The following MCC variants were observed in gnomAD, a reference collection of about 807,000 sequenced individuals.
MCC encodes MCC regulator of Wnt signaling pathway, also known as colorectal mutant cancer protein.
In MCC, 90 loss-of-function variants were observed where a neutral mutation model predicts 116.2. The observed-to-expected ratio is 0.77, with a 90% CI of 0.65 to 0.92. The LOEUF is 0.92. Among genes scored for constraint, MCC ranks in the 40% least tolerant of loss-of-function variants. MCC has a pLI of 0.00. For missense variants in MCC, 1,516 were observed against 1,312.2 expected, an observed-to-expected ratio of 1.16 and a Z score of -2.40; for synonymous variants, 578 against 510.5, an observed-to-expected ratio of 1.13 and a Z score of -1.78.
chr5:113,300,567 TA>T (rs1359600895), intron 3 of MCC, among the ~76,000 whole-genome samples: 2 of 152,200 alleles, frequency 1.3e-5, no homozygotes, highest in Admixed American at 6.5e-5. Flanking sequence ...TTTGAGGGCA[TA>T]GGGGGATTTC....
chr5:113,190,390 A>AT (rs1762095033), intron 3 of MCC, among the ~76,000 whole-genome samples: 1 of 152,224 alleles, frequency 6.6e-6, no homozygotes, highest in South Asian at 2.1e-4. Flanking sequence ...CCTACATAGC[A>AT]AAGGCAAAAT....
chr5:113,233,467 A>C (rs1561474909), intron 3 of MCC, among the ~76,000 whole-genome samples: 1 of 152,222 alleles, frequency 6.6e-6, no homozygotes, highest in Non-Finnish European at 1.5e-5. Flanking sequence ...TATGAATGCA[A>C]TGAAGTTTCC....
At chr5:113,444,700 T>C (rs186227998) in intron 1 of MCC, among the ~76,000 whole-genome samples, 2 of 152,334 alleles carry the variant, frequency 1.3e-5, no homozygotes, top group Non-Finnish European at 2.9e-5. Flanking sequence ...CTGTTATTTA[T>C]GCTAATAGAA....
At chr5:113,150,570 T>A (rs1208664726) in intron 4 of MCC, among the ~76,000 whole-genome samples, 3 of 151,384 alleles carry the variant, frequency 2.0e-5, no homozygotes, top group Non-Finnish European at 4.4e-5. Context: ...TCAGTAATGA[T>A]GACTACACTG....
At chr5:113,308,185 G>A (rs556409208) in intron 3 of MCC, among the ~76,000 whole-genome samples, 1 of 152,006 alleles carries the variant, frequency 6.6e-6, no homozygotes, top group African/African-American at 2.4e-5. Flanking sequence ...TGTTGCCCAG[G>A]GTGGTGCCTG....
intron 11 of MCC, among the ~76,000 whole-genome samples, chr5:113,081,723 A>G (rs1754869176): frequency 6.6e-6 from 1 of 152,130 alleles, no homozygotes. Flanking sequence ...ACTCTTAAGT[A>G]TTCTGGATTT....
chr5:113,276,707 G>T (rs561521462), intron 3 of MCC, among the ~76,000 whole-genome samples: 1 of 152,196 alleles, frequency 6.6e-6, no homozygotes, highest in Non-Finnish European at 1.5e-5. Context: ...GCTCACTGGG[G>T]CCTCGACTTT....
intron 17 of MCC, among the ~76,000 whole-genome samples, chr5:113,031,618 C>A (rs1750961622): frequency 6.6e-6 from 1 of 152,110 alleles, no homozygotes; most frequent in African/African-American, 2.4e-5. Flanking sequence ...AATGTAACCA[C>A]AAACTCAATA....
intron 2 of MCC, among the ~76,000 whole-genome samples, chr5:113,376,824 C>T (rs1768998566): frequency 6.6e-6 from 1 of 152,152 alleles, no homozygotes; most frequent in Admixed American, 6.5e-5. Context: ...ACCCTAATTT[C>T]TCAAGCTGAG....
chr5:113,152,768 T>G (rs1759955974), intron 3 of MCC, among the ~76,000 whole-genome samples: 1 of 152,114 alleles, frequency 6.6e-6, no homozygotes, highest in African/African-American at 2.4e-5. Context: ...TAGCAGTAAA[T>G]GTGACTTCAC....
intron 1 of MCC, among the ~76,000 whole-genome samples, chr5:113,457,450 G>C (rs1056586639): frequency 6.6e-6 from 1 of 152,238 alleles, no homozygotes; most frequent in Non-Finnish European, 1.5e-5. Context: ...CTCCTGTGCA[G>C]CCCGAGCCTC....
chr5:113,110,542 T>C (rs182320526), intron 6 of MCC, among the ~76,000 whole-genome samples: 1 of 152,392 alleles, frequency 6.6e-6, no homozygotes, highest in Non-Finnish European at 1.5e-5. Flanking sequence ...GTGGATTTCA[T>C]ATGGTTTCTT....
rs199529790 is a variant in MCC, at chr5:113,385,093, C to A, written c.290G>T (p.Arg97Leu). ...KISFQDFTRCRMQLVREIRKE... is the reference protein window; with the variant it reads ...KISFQDFTRCLMQLVREIRKE... The stretch of plus-strand genomic sequence containing the variant: ...CCTAATTTCTCGAACAAGCTGCATG[C>A]GGCATCTTGTGAAATCCTGAAAGGA... Residue 97 changes from arginine to leucine, a missense_variant, in exon 2 of 19, where the codon CGC (arginine) becomes CTC (leucine). Transcript: ENST00000408903. The A allele has an allele frequency of 3.7e-6, 6 of 1,614,166 alleles. No homozygotes were observed. Among genetic ancestry groups the A allele is most frequent in the Non-Finnish European group, 4.2e-6 (5 of 1,180,022 alleles).
intron 3 of MCC, among the ~76,000 whole-genome samples, chr5:113,219,029 A>G (rs970428683): frequency 1.3e-5 from 2 of 152,246 alleles, no homozygotes; most frequent in African/African-American, 2.4e-5. Context: ...AATTCCTGAT[A>G]TAACAGAGAA....
At chr5:113,451,391 T>C (rs1313775849) in intron 1 of MCC, among the ~76,000 whole-genome samples, 1 of 152,258 alleles carries the variant, frequency 6.6e-6, no homozygotes, top group Non-Finnish European at 1.5e-5. Context: ...CTGGTCACCA[T>C]GACAACCCTG....
intron 4 of MCC, among the ~76,000 whole-genome samples, chr5:113,150,637 G>T (rs1424420017): frequency 1.3e-5 from 2 of 151,266 alleles, no homozygotes; most frequent in Non-Finnish European, 2.9e-5. Context: ...AAAAGGAAAA[G>T]AAAAAATTAA....
intron 3 of MCC, among the ~76,000 whole-genome samples, chr5:113,186,319 T>C (rs1451535945): frequency 6.6e-6 from 1 of 152,200 alleles, no homozygotes; most frequent in Non-Finnish European, 1.5e-5. Flanking sequence ...AGACACATTT[T>C]GTTTGATTTG....
chr5:113,081,519 G>C (rs1272154769), intron 11 of MCC, among the ~76,000 whole-genome samples: 1 of 152,130 alleles, frequency 6.6e-6, no homozygotes, highest in Non-Finnish European at 1.5e-5. Flanking sequence ...CCTATTCAAG[G>C]TCAGCCACAG....
At chr5:113,053,620 G>A (rs899512997) in intron 15 of MCC, 105 bp downstream of exon 15, 6 of 748,242 alleles carry the variant, frequency 8.0e-6, no homozygotes, top group African/African-American at 1.7e-5. Flanking sequence ...GCTCTTCTCT[G>A]GGCAGGAGGG....
Sources: allele counts gnomAD v4.1 joint callset (sites outside exome capture counted in the v4.1 genomes callset), GRCh38; gene constraint gnomAD v4.1.1; transcripts MANE v1.5; gene names NCBI Gene and HGNC (gene_info 2026-07-23, HGNC 2026-07-21).